Variants in MITF observed in about 807,000 individuals in gnomAD.
MITF encodes the protein melanocyte inducing transcription factor.
Under a neutral mutation model 60.5 loss-of-function variants are expected in MITF, and 17 were observed. The observed-to-expected ratio is 0.28, with a 90% confidence interval of 0.19 to 0.42. MITF has a LOEUF of 0.42. MITF is among the 10% of genes least tolerant of loss of function. MITF has a pLI of 1.00. For missense variants in MITF, 622 were observed against 683.5 expected (o/e 0.91, Z 1.00); for synonymous variants, 260 against 248.5 (o/e 1.05, Z -0.43).
chr3:69,741,295 C>G (rs185676418), intron 1 of MITF, among the ~76,000 whole-genome samples: 17 of 152,116 alleles, frequency 1.1e-4, no homozygotes, highest in African/African-American at 4.1e-4. Context: ...ACTGGGCAGT[C>G]TCTGCTTTTG....
chr3:69,887,602 A>G (rs1183116354), intron 2 of MITF, among the ~76,000 whole-genome samples: 2 of 152,084 alleles, frequency 1.3e-5, no homozygotes, highest in East Asian at 3.9e-4. Context: ...ATGAATCCGA[A>G]TTGGAGCATA....
intron 2 of MITF, among the ~76,000 whole-genome samples, chr3:69,893,305 C>T (rs1349655328): frequency 6.6e-6 from 1 of 151,970 alleles, no homozygotes; most frequent in African/African-American, 2.4e-5. Context: ...AAAATTCATT[C>T]AAAGAACTCC....
intron 1 of MITF, among the ~76,000 whole-genome samples, chr3:69,751,310 A>G (rs1362823211): frequency 6.6e-6 from 1 of 152,204 alleles, no homozygotes; most frequent in African/African-American, 2.4e-5. Context: ...GAGAGGTGGA[A>G]TGGATGTGAC....
intron 1 of MITF, among the ~76,000 whole-genome samples, chr3:69,821,677 GA>G (rs71620104): frequency 2.9e-4 from 33 of 112,730 alleles, no homozygotes; most frequent in African/African-American, 4.3e-4. Context: ...TTTAGAAAAG[GA>G]AAAAAAAAAA....
At chr3:69,913,623 T>C (rs1374297934) in intron 2 of MITF, among the ~76,000 whole-genome samples, 1 of 152,214 alleles carries the variant, frequency 6.6e-6, no homozygotes, top group Non-Finnish European at 1.5e-5. Context: ...GCATCTCATT[T>C]ATGATGGTGC....
At chr3:69,905,517 T>A (rs1455977716) in intron 2 of MITF, among the ~76,000 whole-genome samples, 1 of 152,124 alleles carries the variant, frequency 6.6e-6, no homozygotes, top group Non-Finnish European at 1.5e-5. Flanking sequence ...AACAGCTGAA[T>A]CATATAGTAG....
intron 1 of MITF, among the ~76,000 whole-genome samples, chr3:69,753,610 G>A (rs1704017444): frequency 6.6e-6 from 1 of 152,222 alleles, no homozygotes; most frequent in African/African-American, 2.4e-5. Flanking sequence ...AAGCCACAGG[G>A]GTGGAACTGC....
At chr3:69,810,332 T>G (rs2063081182) in intron 1 of MITF, among the ~76,000 whole-genome samples, 1 of 152,154 alleles carries the variant, frequency 6.6e-6, no homozygotes, top group Admixed American at 6.6e-5. Flanking sequence ...GTGGTTAATT[T>G]TTTTTCCATT....
At chr3:69,844,644 C>T (rs1270938989) in intron 1 of MITF, among the ~76,000 whole-genome samples, 1 of 152,146 alleles carries the variant, frequency 6.6e-6, no homozygotes, top group Non-Finnish European at 1.5e-5. Flanking sequence ...AACTAAAGAG[C>T]TTCTGCACAG....
intron 1 of MITF, among the ~76,000 whole-genome samples, chr3:69,878,803 T>G (rs1355817348): frequency 6.6e-6 from 1 of 152,110 alleles, no homozygotes; most frequent in Admixed American, 6.6e-5. Flanking sequence ...GCCATTAAGA[T>G]GCTTTGCTTC....
chr3:69,916,298 T>C (rs913616525), intron 2 of MITF, among the ~76,000 whole-genome samples: 2 of 152,212 alleles, frequency 1.3e-5, no homozygotes, highest in Admixed American at 6.5e-5. Context: ...CAGAGATTAC[T>C]GATAAATTTT....
chr3:69,839,572 C>T (rs9814975), intron 1 of MITF, among the ~76,000 whole-genome samples: 3,065 of 151,942 alleles, frequency 0.02, 83 homozygotes, highest in African/African-American at 0.057. Flanking sequence ...TCCTCCCAGC[C>T]ATCGGCTGGT....
At chr3:69,883,324 A>T (rs1348188417) in intron 2 of MITF, among the ~76,000 whole-genome samples, 1 of 152,124 alleles carries the variant, frequency 6.6e-6, no homozygotes, top group East Asian at 1.9e-4. Context: ...GTGGGCATTT[A>T]TTTGGTGGTT....
At position 69,855,729 on chromosome 3, in the gene MITF, G is replaced by A. The variant is rs571308165; in HGVS notation, c.105-23405G>A. Among the ~76,000 whole-genome samples the A allele has an allele frequency of 2.0e-5, 3 of 152,150 alleles. No individual in the cohort carries two copies. The East Asian group carries it at 5.8e-4, about 29-fold the overall frequency. ...TTAGATAACAACCAAAACAAAAATGGACTGTAAGCTAAATTTATGTTCCAG... is the reference window on the plus strand; with the variant it reads ...TTAGATAACAACCAAAACAAAAATGAACTGTAAGCTAAATTTATGTTCCAG... On this transcript the variant is annotated intron_variant, in intron 1 of 9. Transcript: ENST00000352241.
At chr3:69,759,696 G>A (rs564842733) in intron 1 of MITF, among the ~76,000 whole-genome samples, 2 of 152,302 alleles carry the variant, frequency 1.3e-5, no homozygotes, top group African/African-American at 4.8e-5. Context: ...ACCCACTGGG[G>A]AAAACATTTT....
chr3:69,818,965 G>A (rs2063223477), intron 1 of MITF, among the ~76,000 whole-genome samples: 1 of 152,084 alleles, frequency 6.6e-6, no homozygotes, highest in South Asian at 2.1e-4. Flanking sequence ...GGACTGAAGT[G>A]TTTAAAATGA....
intron 1 of MITF, among the ~76,000 whole-genome samples, chr3:69,856,008 C>T (rs2063912515): frequency 6.6e-6 from 1 of 152,164 alleles, no homozygotes; most frequent in Non-Finnish European, 1.5e-5. Context: ...ATCTGAGAGT[C>T]ATGCTCATTT....
At chr3:69,769,636 G>C (rs1165311501) in intron 1 of MITF, 2 of 152,014 alleles carry the variant, frequency 1.3e-5, no homozygotes, top group Non-Finnish European at 2.9e-5. Flanking sequence ...TGGTCCCCTA[G>C]GAGGTCACCA....
intron 1 of MITF, among the ~76,000 whole-genome samples, chr3:69,872,900 G>A (rs2064270276): frequency 6.6e-6 from 1 of 152,224 alleles, no homozygotes; most frequent in Non-Finnish European, 1.5e-5. Flanking sequence ...GGAGATAGGA[G>A]CATTGTCCAG....
Sources: allele counts gnomAD v4.1 joint callset (sites outside exome capture counted in the v4.1 genomes callset), GRCh38; gene constraint gnomAD v4.1.1; transcripts MANE v1.5; gene names NCBI Gene and HGNC (gene_info 2026-07-23, HGNC 2026-07-21).